Variants in TNNI3K observed in about 807,000 individuals in gnomAD.
The protein encoded by TNNI3K is serine/threonine-protein kinase TNNI3K.
Under a neutral mutation model 114.5 loss-of-function variants are expected in TNNI3K, and 140 were observed. The observed-to-expected ratio is 1.22, with a 90% confidence interval of 1.07 to 1.41. TNNI3K has a LOEUF of 1.41. Ranked by LOEUF, TNNI3K falls within the 40% of genes most tolerant of loss-of-function variation. The pLI, the probability that TNNI3K is intolerant of heterozygous loss-of-function variation, is 0.00. For missense variants in TNNI3K, 1,125 were observed against 1,007.6 expected (o/e 1.12, Z -1.58); for synonymous variants, 347 against 347.5 (o/e 1.00, Z 0.02).
intron 17 of TNNI3K, among the ~76,000 whole-genome samples, chr1:74,378,468 A>T (rs921321674): frequency 4.0e-5 from 6 of 150,902 alleles, no homozygotes; most frequent in Non-Finnish European, 7.4e-5. Flanking sequence ...TCAACGTGTG[A>T]CTTCTAGGGG....
chr1:74,524,973 T>C (rs1646484553), intron 23 of TNNI3K, among the ~76,000 whole-genome samples: 1 of 152,214 alleles, frequency 6.6e-6, no homozygotes, highest in Non-Finnish European at 1.5e-5. Flanking sequence ...TGCTTTTTTA[T>C]ACCTACTTTC....
chr1:74,438,520 G>A (rs943824541), intron 19 of TNNI3K, among the ~76,000 whole-genome samples: 8 of 152,014 alleles, frequency 5.3e-5, no homozygotes, highest in Admixed American at 5.2e-4. Context: ...TGAGGATTTA[G>A]AACTGGGAGG....
intron 5 of TNNI3K, among the ~76,000 whole-genome samples, chr1:74,272,501 T>A (rs1656412363): frequency 6.6e-6 from 1 of 151,746 alleles, no homozygotes. Flanking sequence ...ATTTCAAGCT[T>A]AAGGAATGGC....
intron 19 of TNNI3K, among the ~76,000 whole-genome samples, chr1:74,438,551 C>A (rs1419866979): frequency 6.6e-6 from 1 of 151,882 alleles, no homozygotes; most frequent in Admixed American, 6.6e-5. Context: ...TCTGTTTTGT[C>A]CTTGAGGAAT....
intron 21 of TNNI3K, among the ~76,000 whole-genome samples, chr1:74,488,481 A>C (rs1192553660): frequency 2.6e-5 from 4 of 152,202 alleles, no homozygotes; most frequent in African/African-American, 9.6e-5. Context: ...TAGGGTGTAT[A>C]GTTTTAGGAT....
intron 11 of TNNI3K, among the ~76,000 whole-genome samples, chr1:74,362,793 C>A (rs1467075180): frequency 6.6e-6 from 1 of 151,958 alleles, no homozygotes; most frequent in Non-Finnish European, 1.5e-5. Context: ...AGTAAAGGAA[C>A]ACAAATAGAC....
At chr1:74,312,091 T>A (rs17095121) in intron 5 of TNNI3K, among the ~76,000 whole-genome samples, 2 of 152,172 alleles carry the variant, frequency 1.3e-5, no homozygotes, top group Non-Finnish European at 2.9e-5. Context: ...GTTACTATAC[T>A]TCTTGGGTTG....
intron 5 of TNNI3K, among the ~76,000 whole-genome samples, chr1:74,295,338 A>G (rs1186418755): frequency 6.6e-6 from 1 of 152,142 alleles, no homozygotes; most frequent in Non-Finnish European, 1.5e-5. Flanking sequence ...TCCATTCTTC[A>G]GTTCCTGCTT....
intron 20 of TNNI3K, among the ~76,000 whole-genome samples, chr1:74,462,060 A>G (rs888379273): frequency 2.6e-5 from 4 of 152,242 alleles, no homozygotes; most frequent in African/African-American, 9.6e-5. Context: ...AGTATAAGAA[A>G]TATGTGAAAT....
At chr1:74,540,553 G>T (rs190227130) in intron 24 of TNNI3K, among the ~76,000 whole-genome samples, 2 of 151,568 alleles carry the variant, frequency 1.3e-5, no homozygotes, top group Admixed American at 1.3e-4. Flanking sequence ...GTGTGATTAT[G>T]TGTGAGTGCC....
At chr1:74,427,441 A>T (rs181868145) in intron 17 of TNNI3K, among the ~76,000 whole-genome samples, 1 of 151,956 alleles carries the variant, frequency 6.6e-6, no homozygotes, top group East Asian at 1.9e-4. Flanking sequence ...TATGGGAAAA[A>T]AATCTCCCAC....
At chr1:74,481,033 G>A (rs1668476188) in intron 21 of TNNI3K, 2 of 636,256 alleles carry the variant, frequency 3.1e-6, no homozygotes, top group Non-Finnish European at 5.8e-6. Context: ...GGGTATGGTG[G>A]AGAGCAGAGA....
chr1:74,478,058 CTT>C (rs1278602066), intron 21 of TNNI3K, among the ~76,000 whole-genome samples: 1 of 152,050 alleles, frequency 6.6e-6, no homozygotes, highest in Non-Finnish European at 1.5e-5. Flanking sequence ...ATTTTTATGA[CTT>C]AGATATAGCT....
intron 17 of TNNI3K, among the ~76,000 whole-genome samples, chr1:74,391,832 G>A (rs1663787726): frequency 6.6e-6 from 1 of 152,108 alleles, no homozygotes; most frequent in South Asian, 2.1e-4. Context: ...ATGGTGCTAT[G>A]GGAGCTGAGA....
In TNNI3K at chr1:74,392,460, CTCAAG is replaced by C. The variant is rs1327857000; in HGVS notation, c.1772+22072_1772+22076del. Among the ~76,000 whole-genome samples, 3 of 152,160 alleles carry C rather than the reference CTCAAG, an allele frequency of 2.0e-5. No individual in the cohort carries two copies. The South Asian group carries it at 6.2e-4, about 32-fold the overall frequency. Reference sequence around the variant, plus strand: ...CTCGTCTCTGACTCCTAGTTTAGTTCTCAAGTCACTAGACCGTGCTGTCCATAGCC... The same window carrying C: ...CTCGTCTCTGACTCCTAGTTTAGTTCTCACTAGACCGTGCTGTCCATAGCC... On this transcript the variant is annotated intron_variant, in intron 17 of 24. Transcript: ENST00000326637.
intron 9 of TNNI3K, among the ~76,000 whole-genome samples, chr1:74,347,248 G>A (rs945143616): frequency 2.0e-5 from 3 of 147,458 alleles, no homozygotes; most frequent in Non-Finnish European, 4.4e-5. Context: ...AGAACATGCA[G>A]TGTTTGGTTT....
intron 23 of TNNI3K, among the ~76,000 whole-genome samples, chr1:74,507,321 C>T (rs1669959344): frequency 1.3e-5 from 2 of 149,050 alleles, no homozygotes; most frequent in Admixed American, 6.8e-5. Flanking sequence ...GTCCTAAATA[C>T]CCTCAACTAG....
chr1:74,483,177 G>T, intron 21 of TNNI3K: 2 of 682,140 alleles, frequency 2.9e-6, no homozygotes, highest in Admixed American at 4.2e-5. Context: ...GCTGAGCCCA[G>T]AGAACAGTCA....
chr1:74,339,306 A>G (rs149916801), intron 7 of TNNI3K, among the ~76,000 whole-genome samples: 1 of 152,110 alleles, frequency 6.6e-6, no homozygotes, highest in Non-Finnish European at 1.5e-5. Context: ...ATTTTTAAGT[A>G]TTTTTATTTC....
Sources: allele counts gnomAD v4.1 joint callset (sites outside exome capture counted in the v4.1 genomes callset), GRCh38; gene constraint gnomAD v4.1.1; transcripts MANE v1.5; gene names NCBI Gene and HGNC (gene_info 2026-07-23, HGNC 2026-07-21).